RBPJ: variants seen among roughly 807,000 people sequenced by gnomAD.
RBPJ encodes recombination signal binding protein for immunoglobulin kappa J region.
RBPJ carries 9 observed loss-of-function variants against 67.8 expected under a neutral mutation model. The ratio of observed to expected loss-of-function variants is 0.13; its 90% CI spans 0.08 to 0.23. RBPJ has a LOEUF of 0.23. Among genes scored for constraint, RBPJ ranks in the 10% least tolerant of loss-of-function variants. The probability of loss-of-function intolerance (pLI) is 1.00; values close to 1 mark genes in which losing one functional copy is unlikely to be tolerated. For missense variants in RBPJ, 305 were observed against 595.6 expected, an observed-to-expected ratio of 0.51 and a Z score of 5.08; for synonymous variants, 198 against 203.3, an observed-to-expected ratio of 0.97 and a Z score of 0.22.
chr4:26,326,538 A>G (rs1723646146), intron 1 of RBPJ, among the ~76,000 whole-genome samples: 1 of 152,210 alleles, frequency 6.6e-6, no homozygotes, highest in Admixed American at 6.5e-5. Context: ...CCATAGAACC[A>G]AATAATAAGT....
chr4:26,260,618 G>A (rs1248545892), intron 1 of RBPJ, among the ~76,000 whole-genome samples: 6 of 152,192 alleles, frequency 3.9e-5, no homozygotes, highest in Non-Finnish European at 7.3e-5. Flanking sequence ...TTGCTTTGTT[G>A]ATGGCAATGA....
chr4:26,224,854 C>T (rs1455280731), intron 1 of RBPJ, among the ~76,000 whole-genome samples: 1 of 152,218 alleles, frequency 6.6e-6, no homozygotes, highest in African/African-American at 2.4e-5. Flanking sequence ...CTGGCTATAG[C>T]TCCAAATGGA....
At chr4:26,128,013 C>T in the RBPJ span, among the ~76,000 whole-genome samples, 1 of 152,206 alleles carries the variant, frequency 6.6e-6, no homozygotes, top group Non-Finnish European at 1.5e-5. Context: ...TCCTGTTTGA[C>T]TTGTGTGCTC....
At chr4:26,283,627 C>T (rs1444195484) in intron 1 of RBPJ, among the ~76,000 whole-genome samples, 1 of 151,066 alleles carries the variant, frequency 6.6e-6, no homozygotes, top group Admixed American at 6.6e-5. Context: ...CTCTTCTTTC[C>T]TGCTGAATAC....
At chr4:26,427,953 A>G (rs550005873) in intron 7 of RBPJ, among the ~76,000 whole-genome samples, 1 of 152,276 alleles carries the variant, frequency 6.6e-6, no homozygotes, top group East Asian at 1.9e-4. Flanking sequence ...ATAGGGTTTG[A>G]TAGTATTATC....
At chr4:26,316,605 T>C (rs1560258617), upstream of RBPJ, among the ~76,000 whole-genome samples, 1 of 139,354 alleles carries the variant, frequency 7.2e-6, no homozygotes, top group African/African-American at 2.7e-5. Flanking sequence ...AATATATATA[T>C]ACACATATTG....
At chr4:26,114,031 C>T in the RBPJ span, among the ~76,000 whole-genome samples, 1 of 152,188 alleles carries the variant, frequency 6.6e-6, no homozygotes, top group East Asian at 1.9e-4. Context: ...AAACCTTTAT[C>T]TAAAATTTAT....
intron 1 of RBPJ, among the ~76,000 whole-genome samples, chr4:26,268,456 G>A (rs891891272): frequency 1.2e-4 from 18 of 152,070 alleles, no homozygotes; most frequent in African/African-American, 4.3e-4. Context: ...CAGGCTTTGG[G>A]CTTTTTCTTC....
the RBPJ span, among the ~76,000 whole-genome samples, chr4:26,125,194 G>C: frequency 2.0e-5 from 3 of 152,226 alleles, no homozygotes; most frequent in Admixed American, 2.0e-4. Context: ...CTAGCTGCAA[G>C]GGTGGCTGGG....
intron 1 of RBPJ, among the ~76,000 whole-genome samples, chr4:26,178,607 C>CAAAAAA (rs1173498137): frequency 8.5e-5 from 5 of 58,708 alleles, no homozygotes; most frequent in Non-Finnish European, 1.5e-4. Flanking sequence ...GACCCCGTAT[C>CAAAAAA]AAAAAAAAAA....
intron 1 of RBPJ, among the ~76,000 whole-genome samples, chr4:26,295,245 A>AGTGT (rs71932374): frequency 0.024 from 3,523 of 147,096 alleles, 143 homozygotes; most frequent in African/African-American, 0.081. Flanking sequence ...AGGGTGCATC[A>AGTGT]GTGTGTGTGT....
the RBPJ span, among the ~76,000 whole-genome samples, chr4:26,141,376 G>T: frequency 2.0e-5 from 3 of 152,184 alleles, no homozygotes; most frequent in African/African-American, 7.2e-5. Flanking sequence ...CACTCCTGCG[G>T]GTGGGAAGAA....
At chr4:26,320,655 C>A (rs1159535921), upstream of RBPJ, 4 of 1,395,410 alleles carry the variant, frequency 2.9e-6, no homozygotes, top group East Asian at 5.1e-5. Flanking sequence ...CCTCCTGACC[C>A]CTCCATTCCT....
At chr4:26,218,856 C>A (rs765004591) in intron 1 of RBPJ, among the ~76,000 whole-genome samples, 1 of 152,186 alleles carries the variant, frequency 6.6e-6, no homozygotes, top group African/African-American at 2.4e-5. Context: ...AGGGCCCTAA[C>A]GAGAAACAGG....
intron 1 of RBPJ, among the ~76,000 whole-genome samples, chr4:26,300,837 A>G (rs991811560): frequency 1.1e-4 from 16 of 152,218 alleles, no homozygotes; most frequent in African/African-American, 3.6e-4. Flanking sequence ...AATAAGATGA[A>G]AGTGGGATAG....
intron 1 of RBPJ, among the ~76,000 whole-genome samples, chr4:26,327,530 T>G (rs1012466257): frequency 6.7e-6 from 1 of 150,318 alleles, no homozygotes; most frequent in Admixed American, 6.6e-5. Context: ...GAGAATCAAG[T>G]TGACCCTGGA....
intron 8 of RBPJ, 34 bp from the exon 9 acceptor site, chr4:26,429,864 T>A (rs1045416157): frequency 1.3e-6 from 2 of 1,589,306 alleles, no homozygotes; most frequent in South Asian, 2.2e-5. Flanking sequence ...ACAAACTGTA[T>A]AAAACTTAGT....
intron 1 of RBPJ, among the ~76,000 whole-genome samples, chr4:26,206,920 T>C (rs1317509029): frequency 2.6e-5 from 4 of 152,118 alleles, no homozygotes; most frequent in Admixed American, 1.3e-4. Context: ...CCCCTCAAAT[T>C]CTATACCTGT....
chr4:26,316,739 G>T (rs1722660676), upstream of RBPJ, among the ~76,000 whole-genome samples: 1 of 129,232 alleles, frequency 7.7e-6, no homozygotes, highest in African/African-American at 2.9e-5. Context: ...GGCTAGTGGT[G>T]TTTTTGTTGT....
Sources: gnomAD v4.1 joint callset for allele counts (sites outside exome capture counted in the v4.1 genomes callset) on GRCh38, gnomAD v4.1.1 for gene constraint, MANE v1.5 for transcripts, NCBI Gene and HGNC (gene_info 2026-07-23, HGNC 2026-07-21) for gene names.